The following GPHN variants were observed in gnomAD, a reference collection of about 807,000 sequenced individuals.
GPHN encodes the protein gephyrin.
In GPHN, 17 loss-of-function variants were observed where a neutral mutation model predicts 95.5. The observed-to-expected ratio is 0.18, with a 90% CI of 0.12 to 0.27. The LOEUF (loss-of-function observed/expected upper bound fraction) is 0.27. Ranked by LOEUF, GPHN falls within the 10% of genes least tolerant of loss-of-function variation. GPHN has a pLI of 1.00. For synonymous variants in GPHN, 320 were observed against 322.5 expected (o/e 0.99, Z 0.08); for missense variants, 660 against 978.1 (o/e 0.67, Z 4.34).
At chr14:67,004,669 C>G (rs2072478405) in intron 9 of GPHN, among the ~76,000 whole-genome samples, 1 of 151,544 alleles carries the variant, frequency 6.6e-6, no homozygotes, top group South Asian at 2.1e-4. Context: ...TAAATTTCAC[C>G]AAATTATTGT....
chr14:66,563,138 A>G (rs1028107782), intron 1 of GPHN, among the ~76,000 whole-genome samples: 2 of 152,150 alleles, frequency 1.3e-5, no homozygotes, highest in African/African-American at 4.8e-5. Context: ...AACTTATGAA[A>G]TAAGTTTTAA....
chr14:66,586,081 G>T (rs1450385704), intron 1 of GPHN, among the ~76,000 whole-genome samples: 3 of 152,032 alleles, frequency 2.0e-5, no homozygotes, highest in African/African-American at 7.3e-5. Flanking sequence ...TCCTGTATTG[G>T]GTGCATATAT....
chr14:67,119,400 G>C (rs766157254), intron 16 of GPHN, among the ~76,000 whole-genome samples: 1 of 152,208 alleles, frequency 6.6e-6, no homozygotes, highest in Admixed American at 6.5e-5. Context: ...GGTAGTAAAA[G>C]AGTGAATGAA....
intron 1 of GPHN, among the ~76,000 whole-genome samples, chr14:66,625,519 A>G (rs1432998174): frequency 2.0e-5 from 3 of 150,988 alleles, no homozygotes; most frequent in Non-Finnish European, 4.4e-5. Flanking sequence ...TTTCTTTCCT[A>G]TTGTCTGCCT....
chr14:67,089,490 G>C (rs1239988237), intron 12 of GPHN, among the ~76,000 whole-genome samples: 1 of 151,806 alleles, frequency 6.6e-6, no homozygotes, highest in Non-Finnish European at 1.5e-5. Flanking sequence ...TGAAATTCTT[G>C]GCTACAAATA....
intron 1 of GPHN, among the ~76,000 whole-genome samples, chr14:66,531,063 C>T (rs1307870303): frequency 1.4e-5 from 2 of 145,884 alleles, no homozygotes; most frequent in Non-Finnish European, 3.0e-5. Context: ...TCAAGTAATT[C>T]TCTTCCCAAA....
At chr14:67,662,280 G>A in the GPHN span, among the ~76,000 whole-genome samples, 1 of 152,080 alleles carries the variant, frequency 6.6e-6, no homozygotes, top group African/African-American at 2.4e-5. Context: ...TCACATTTCA[G>A]GAGCATCTTC....
chr14:66,816,100 G>A (rs1365845967), intron 3 of GPHN, among the ~76,000 whole-genome samples: 1 of 152,138 alleles, frequency 6.6e-6, no homozygotes, highest in African/African-American at 2.4e-5. Context: ...AAATCAACAA[G>A]AAGATCTAAA....
chr14:67,192,538 C>T, the GPHN span, among the ~76,000 whole-genome samples: 1 of 151,648 alleles, frequency 6.6e-6, no homozygotes. Flanking sequence ...ACCGAGAAGG[C>T]AAAGCAGAGT....
rs1335953929 is a variant in GPHN, at chr14:66,922,969, A to G, written c.729+31A>G. On this transcript the variant is annotated intron_variant, in intron 7 of 22. Coordinates refer to ENST00000478722, the MANE Select transcript of GPHN (RefSeq NM_020806.5). The stretch of plus-strand genomic sequence containing the variant: ...CCTGATGAGAGTTACTCAGAGGCCT[A>G]AAGGACCCACAGGTAAATGTACTGG... The G allele has an allele frequency of 6.3e-6, 10 of 1,591,826 alleles. No homozygotes were observed. In the African/African-American group the frequency reaches 1.4e-4, roughly 22 times the overall value.
At chr14:66,608,398 G>A (rs1218833685) in intron 1 of GPHN, among the ~76,000 whole-genome samples, 1 of 151,984 alleles carries the variant, frequency 6.6e-6, no homozygotes, top group Non-Finnish European at 1.5e-5. Context: ...CTTGCTTTAT[G>A]ACCAAAACAT....
At chr14:67,586,266 G>A in the GPHN span, 30,233 of 1,084,600 alleles carry the variant, frequency 0.028, 1,298 homozygotes, top group East Asian at 0.13. Flanking sequence ...TTGCATCTCC[G>A]TATCAATGTT....
chr14:67,651,435 G>A, the GPHN span: 203 of 1,614,034 alleles, frequency 1.3e-4, no homozygotes, highest in African/African-American at 2.4e-3. Context: ...AGGATGGCGA[G>A]CTCCAGTAAG....
the GPHN span, among the ~76,000 whole-genome samples, chr14:67,584,410 A>AT: frequency 2.6e-5 from 4 of 152,120 alleles, no homozygotes; most frequent in East Asian, 3.8e-4. Context: ...GAGTGCTTTC[A>AT]TTTTTTTTAA....
chr14:67,619,225 A>G, the GPHN span, among the ~76,000 whole-genome samples: 2 of 152,228 alleles, frequency 1.3e-5, no homozygotes, highest in South Asian at 2.1e-4. Context: ...TTAGCTTAGA[A>G]ATAGTCTAAA....
intron 1 of GPHN, among the ~76,000 whole-genome samples, chr14:66,633,214 A>G (rs959286591): frequency 3.3e-5 from 5 of 152,110 alleles, no homozygotes; most frequent in Non-Finnish European, 7.4e-5. Flanking sequence ...ATTCTCCTAT[A>G]CTTCTTATCT....
the GPHN span, among the ~76,000 whole-genome samples, chr14:67,552,838 G>C: frequency 1.3e-5 from 2 of 152,114 alleles, no homozygotes; most frequent in African/African-American, 4.8e-5. Flanking sequence ...GGCAGTGACA[G>C]AGGGTGACCC....
chr14:67,480,750 G>A, the GPHN span, among the ~76,000 whole-genome samples: 1 of 152,178 alleles, frequency 6.6e-6, no homozygotes, highest in African/African-American at 2.4e-5. Context: ...TGACATGACT[G>A]TGTGGATCTC....
intron 4 of GPHN, among the ~76,000 whole-genome samples, chr14:66,840,736 CAAA>C (rs553788734): frequency 9.9e-5 from 8 of 81,162 alleles, no homozygotes; most frequent in African/African-American, 1.4e-4. Flanking sequence ...GCAGGCCATA[CAAA>C]AAAAAAAAAA....
Sources: allele counts gnomAD v4.1 joint callset (sites outside exome capture counted in the v4.1 genomes callset), GRCh38; gene constraint gnomAD v4.1.1; transcripts MANE v1.5; gene names NCBI Gene and HGNC (gene_info 2026-07-23, HGNC 2026-07-21).